CHKA: variants seen among roughly 807,000 people sequenced by gnomAD.
CHKA encodes the protein CHETK-alpha.
A neutral mutation model predicts 60.1 loss-of-function variants in CHKA; 34 were observed. The observed-to-expected ratio is 0.57, with a 90% CI of 0.43 to 0.75. CHKA has a LOEUF of 0.75. Among genes scored for constraint, CHKA ranks in the 30% least tolerant of loss-of-function variants. CHKA has a pLI of 0.00. For synonymous variants in CHKA, 217 were observed against 223.1 expected (o/e 0.97, Z 0.24); for missense variants, 563 against 561.3 (o/e 1.00, Z -0.03).
At chr11:68,061,832 T>G (rs779436260) in intron 11 of CHKA, 121 bp downstream of exon 11, 5 of 765,582 alleles carry the variant, frequency 6.5e-6, no homozygotes, top group Non-Finnish European at 1.1e-5. Context: ...ATTCGGGTAC[T>G]TGGGGAGACA....
intron 1 of CHKA, among the ~76,000 whole-genome samples, chr11:68,108,289 A>C (rs760640714): frequency 6.6e-6 from 1 of 152,202 alleles, no homozygotes; most frequent in East Asian, 1.9e-4. Flanking sequence ...AATGCACTCC[A>C]GACTGGGCAA....
intron 3 of CHKA, among the ~76,000 whole-genome samples, chr11:68,078,106 GACTGTCACCACA>G (rs1232834021): frequency 6.6e-6 from 1 of 152,104 alleles, no homozygotes; most frequent in African/African-American, 2.4e-5. Context: ...TTTCTTATGT[GACTGTCACCACA>G]GTAAGAAAGC....
At chr11:68,111,149 T>C (rs938293109) in intron 1 of CHKA, among the ~76,000 whole-genome samples, 1 of 151,998 alleles carries the variant, frequency 6.6e-6, no homozygotes, top group Non-Finnish European at 1.5e-5. Flanking sequence ...CGGTGGCTCA[T>C]GCCTCTAATC....
chr11:68,093,007 G>GTTTTT (rs34534250), intron 2 of CHKA, among the ~76,000 whole-genome samples: 1 of 139,782 alleles, frequency 7.2e-6, no homozygotes, highest in African/African-American at 2.7e-5. Flanking sequence ...TTTTTTTTGG[G>GTTTTT]TTTTTTTTTT....
intron 1 of CHKA, among the ~76,000 whole-genome samples, chr11:68,103,033 G>A (rs1268932228): frequency 6.6e-6 from 1 of 151,928 alleles, no homozygotes; most frequent in Non-Finnish European, 1.5e-5. Context: ...CAGCTTGGGA[G>A]GCTGACATAG....
chr11:68,110,663 C>G (rs1264742403), intron 1 of CHKA, among the ~76,000 whole-genome samples: 4 of 152,040 alleles, frequency 2.6e-5, no homozygotes, highest in Non-Finnish European at 2.9e-5. Context: ...CAATGAAAAC[C>G]CCAGCAAGTT....
chr11:68,077,656 C>T (rs1856837436), intron 3 of CHKA, among the ~76,000 whole-genome samples: 1 of 152,160 alleles, frequency 6.6e-6, no homozygotes, highest in Non-Finnish European at 1.5e-5. Context: ...GGCCCCTGCC[C>T]ACAACGGGGC....
At position 68,056,877 on chromosome 11, in the gene CHKA, G is replaced by A. The variant is rs370475007; in HGVS notation, c.1315-2830C>T. Among the ~76,000 whole-genome samples the A allele has an allele frequency of 9.9e-4, 151 of 152,188 alleles. No individual in the cohort carries two copies. The South Asian group carries it at 0.021, about 21-fold the overall frequency. On this transcript the variant is annotated intron_variant, in intron 11 of 11. Coordinates refer to ENST00000265689, the MANE Select transcript of CHKA (RefSeq NM_001277.3). ...AAAAGTAATACACTGGTAAACTTACGTGTTTCCCTGAGTTCTGTGAGCTGC... is the reference window on the plus strand; with the variant it reads ...AAAAGTAATACACTGGTAAACTTACATGTTTCCCTGAGTTCTGTGAGCTGC...
intron 11 of CHKA, among the ~76,000 whole-genome samples, chr11:68,057,661 A>T (rs1374833985): frequency 6.6e-6 from 1 of 152,152 alleles, no homozygotes; most frequent in African/African-American, 2.4e-5. Context: ...ATAGAAACTT[A>T]ATAGTTTTAG....
At chr11:68,057,129 T>G (rs1018257623) in intron 11 of CHKA, among the ~76,000 whole-genome samples, 3 of 152,202 alleles carry the variant, frequency 2.0e-5, no homozygotes, top group African/African-American at 7.2e-5. Context: ...TACTTGTTTG[T>G]TGGCGGGGAG....
intron 7 of CHKA, among the ~76,000 whole-genome samples, chr11:68,067,478 C>T (rs1385851581): frequency 1.3e-5 from 2 of 151,908 alleles, no homozygotes; most frequent in African/African-American, 4.8e-5. Context: ...GCCTGTGATC[C>T]CAACTACTCA....
At chr11:68,054,190 G>T in intron 11 of CHKA, 143 bp from the exon 12 acceptor site, 1 of 658,706 alleles carries the variant, frequency 1.5e-6, no homozygotes, top group Non-Finnish European at 2.7e-6. Flanking sequence ...TGTGCAGCAG[G>T]GCTGCTCGGG....
intron 1 of CHKA, among the ~76,000 whole-genome samples, chr11:68,104,844 C>T (rs1857854956): frequency 6.6e-6 from 1 of 152,088 alleles, no homozygotes; most frequent in South Asian, 2.1e-4. Flanking sequence ...GTGGCTCACG[C>T]CTGGAATCCC....
intron 2 of CHKA, among the ~76,000 whole-genome samples, chr11:68,086,839 T>A (rs1442349041): frequency 6.6e-6 from 1 of 152,072 alleles, no homozygotes; most frequent in Non-Finnish European, 1.5e-5. Context: ...TACAAAAAAT[T>A]GCCTGGCGCG....
rs375664971 is a variant in CHKA at position 68,070,336 on chromosome 11, G to A, written c.765-43C>T. 1.3e-4 allele frequency: 175 copies of A among 1,342,330 alleles called. 1 individual carries two copies. Among genetic ancestry groups the A allele is most frequent in the South Asian group, 1.0e-3 (89 of 85,110 alleles). 83.2% of individuals were successfully genotyped at this position (1,342,330 alleles called of 1,614,324 possible). A position where few individuals can be genotyped will look rare whatever the true frequency, so the allele number is the denominator to read the frequency against. ...AAAAAGAACAGAACAAAGAATCACCGATCAATTCACCAAGGCTTGCTGTTC... is the reference window on the plus strand; with the variant it reads ...AAAAAGAACAGAACAAAGAATCACCAATCAATTCACCAAGGCTTGCTGTTC... On this transcript the variant is annotated intron_variant, in intron 5 of 11. Coordinates refer to ENST00000265689, the MANE Select transcript of CHKA (RefSeq NM_001277.3).
intron 1 of CHKA, among the ~76,000 whole-genome samples, chr11:68,103,825 A>G (rs1234581766): frequency 6.6e-6 from 1 of 151,894 alleles, no homozygotes; most frequent in East Asian, 1.9e-4. Context: ...GAAGCACGAG[A>G]ATCACTTGAA....
chr11:68,117,060 CAA>C (rs1277064391), intron 1 of CHKA, among the ~76,000 whole-genome samples: 12 of 152,046 alleles, frequency 7.9e-5, no homozygotes, highest in African/African-American at 1.9e-4. Flanking sequence ...TTCAATCTAA[CAA>C]GAGAATGGAA....
intron 1 of CHKA, among the ~76,000 whole-genome samples, chr11:68,099,340 T>C (rs984390565): frequency 3.9e-5 from 6 of 152,406 alleles, no homozygotes; most frequent in African/African-American, 1.4e-4. Flanking sequence ...ATATCTCATT[T>C]TCTTACCAAA....
At chr11:68,102,113 GAA>G (rs1469346002) in intron 1 of CHKA, among the ~76,000 whole-genome samples, 2 of 108,132 alleles carry the variant, frequency 1.8e-5, no homozygotes, top group Admixed American at 8.8e-5. Context: ...AAAAAAAAAA[GAA>G]AAAAAAAAGT....
Sources: gnomAD v4.1 joint callset for allele counts (sites outside exome capture counted in the v4.1 genomes callset) on GRCh38, gnomAD v4.1.1 for gene constraint, MANE v1.5 for transcripts, NCBI Gene and HGNC (gene_info 2026-07-23, HGNC 2026-07-21) for gene names.